The following ZPBP2 variants were observed in gnomAD, a reference collection of about 807,000 sequenced individuals.
ZPBP2 encodes zona pellucida binding protein 2, also known as zona pellucida-binding protein 2.
Under a neutral mutation model 37.5 loss-of-function variants are expected in ZPBP2, and 34 were observed. The observed-to-expected ratio is 0.91, with a 90% confidence interval of 0.69 to 1.21. The LOEUF (loss-of-function observed/expected upper bound fraction) is 1.21, where lower values mean the gene tolerates loss of function less well. Ranked by LOEUF, ZPBP2 falls within the 50% of genes most tolerant of loss-of-function variation. The probability of loss-of-function intolerance (pLI) is 0.00; values close to 1 mark genes in which losing one functional copy is unlikely to be tolerated. For missense variants in ZPBP2, 397 were observed against 413.5 expected, an observed-to-expected ratio of 0.96 and a Z score of 0.35; for synonymous variants, 143 against 138.4, an observed-to-expected ratio of 1.03 and a Z score of -0.23.
intron 6 of ZPBP2, 92 bp from the exon 7 acceptor site, chr17:39,875,162 T>C: frequency 2.6e-6 from 3 of 1,160,418 alleles, no homozygotes; most frequent in Non-Finnish European, 3.7e-6. Context: ...AAGTATGGCA[T>C]GCTTACAGTA....
At chr17:39,869,261 A>G (rs1400677810) in intron 2 of ZPBP2, among the ~76,000 whole-genome samples, 3 of 152,204 alleles carry the variant, frequency 2.0e-5, no homozygotes, top group South Asian at 4.1e-4. Flanking sequence ...CAAACCAGAA[A>G]CAAGAAGTAA....
chr17:39,868,498 T>C (rs2063346289), intron 1 of ZPBP2, 51 bp from the exon 2 acceptor site: 1 of 1,613,810 alleles, frequency 6.2e-7, no homozygotes, highest in Admixed American at 1.7e-5. Flanking sequence ...TGCCCGACTC[T>C]GAACCCTGCT....
At chr17:39,874,657 T>C (rs577345397) in intron 6 of ZPBP2, among the ~76,000 whole-genome samples, 230 of 151,982 alleles carry the variant, frequency 1.5e-3, no homozygotes, top group Non-Finnish European at 2.6e-3. Flanking sequence ...AGTCTCGAAC[T>C]CGTGGCCTCA....
In ZPBP2 at chr17:39,873,104, C is replaced by G; in HGVS notation, c.686C>G (p.Thr229Ser). 2 of 1,610,494 alleles carry G rather than the reference C, an allele frequency of 1.2e-6. No homozygotes were observed. The highest frequency in any genetic ancestry group is 1.1e-5 in the South Asian group (1 of 90,230). ...ACNGSVDCEDTTNHNILQARD... is the reference protein window; with the variant it reads ...ACNGSVDCEDSTNHNILQARD... ...AATGGATCTGTTGACTGTGAAGATA[C>G]CACTAATCATAATATCCTCCAGGTG... Residue 229 changes from threonine (T) to serine (S), a missense_variant, in exon 6 of 8, where the codon ACC (threonine) becomes AGC (serine). Thr to Ser is a moderately conservative substitution (Grantham distance 58). Transcript: ENST00000348931.
chr17:39,869,405 C>CTTTT (rs1555647285), intron 2 of ZPBP2, among the ~76,000 whole-genome samples: 129 of 115,124 alleles, frequency 1.1e-3, no homozygotes, highest in Middle Eastern at 4.3e-3. Flanking sequence ...TTCCTTCCTT[C>CTTTT]TTTTTTTTTT....
intron 6 of ZPBP2, 22 bp downstream of exon 6, chr17:39,873,148 A>C: frequency 6.2e-7 from 1 of 1,600,776 alleles, no homozygotes; most frequent in Non-Finnish European, 8.5e-7. Context: ...ATGGTAAGGA[A>C]GAAGTATTTG....
At chr17:39,875,874 G>A (rs1413837492) in intron 7 of ZPBP2, among the ~76,000 whole-genome samples, 4 of 131,858 alleles carry the variant, frequency 3.0e-5, no homozygotes, top group African/African-American at 1.1e-4. Flanking sequence ...GGGCTACCAT[G>A]CTTGGCCCCT....
rs761086948 is a variant in ZPBP2, at chr17:39,875,470, T to C, written c.889+36T>C. 9 of 1,464,658 alleles carry C rather than the reference T, an allele frequency of 6.1e-6. No homozygotes were observed. The African/African-American group carries it at 1.3e-4, about 21-fold the overall frequency. The allele number at this position is 1,464,658 out of a possible 1,614,324, so 90.7% of individuals were successfully genotyped here. On this transcript the variant is annotated intron_variant, in intron 7 of 7. Coordinates refer to ENST00000348931, the MANE Select transcript of ZPBP2 (RefSeq NM_199321.3). The stretch of plus-strand genomic sequence containing the variant: ...AATATAAATATCTAAACATTTAGGT[T>C]ATAGAGTCAGAAGAATATATAAGTA...
intron 6 of ZPBP2, among the ~76,000 whole-genome samples, chr17:39,874,799 G>A (rs1050261761): frequency 1.3e-5 from 2 of 152,010 alleles, no homozygotes; most frequent in African/African-American, 4.8e-5. Context: ...TCGCCAGGCT[G>A]GAGTGCAGTG....
chr17:39,872,247 T>A (rs1002086182), intron 4 of ZPBP2, 23 bp from the exon 5 acceptor site: 27 of 1,553,872 alleles, frequency 1.7e-5, no homozygotes, highest in Non-Finnish European at 2.3e-5. Flanking sequence ...GTTTTCACTC[T>A]CATCTTTCTT....
intron 6 of ZPBP2, among the ~76,000 whole-genome samples, chr17:39,873,938 C>CA (rs1445883380): frequency 2.7e-5 from 4 of 150,766 alleles, no homozygotes; most frequent in Non-Finnish European, 5.9e-5. Flanking sequence ...CTCAAAAACC[C>CA]AAAATTTACA....
chr17:39,875,237 G>A lies in ZPBP2; in HGVS notation c.709-17G>A. ...GGTTTAGTAATTGTACCTTTCTCTGGTATTTTTCAACCTTAGGCAAGAGAT... is the reference window on the plus strand; with the variant it reads ...GGTTTAGTAATTGTACCTTTCTCTGATATTTTTCAACCTTAGGCAAGAGAT... On this transcript the variant is annotated splice_polypyrimidine_tract_variant and intron_variant, in intron 6 of 7. Transcript: ENST00000348931. 6.2e-7 allele frequency: 1 copy of A among 1,601,082 alleles called. No homozygotes were observed. Among genetic ancestry groups the A allele is most frequent in the Non-Finnish European group, 8.5e-7 (1 of 1,174,414 alleles).
chr17:39,869,338 A>T (rs891918990), intron 2 of ZPBP2, among the ~76,000 whole-genome samples: 1 of 151,962 alleles, frequency 6.6e-6, no homozygotes, highest in Non-Finnish European at 1.5e-5. Context: ...ATTTACAGTT[A>T]AACATCAGGT....
Position 39,868,605 on chromosome 17 carries a change from G to A in ZPBP2, c.109G>A (p.Gly37Arg). Residue 37 changes from glycine to arginine, a missense_variant, in exon 2 of 8, where the codon GGA becomes AGA. Transcript: ENST00000348931. ...GAAGGGCTTCATTTATGGCAAGACA[G>A]GACAGCCAGGTAATAAGGGCCTCTG... ...NKKGFIYGKT[G>R]QPDKIYVELH... 1 of 1,614,154 alleles carries A rather than the reference G, an allele frequency of 6.2e-7. No homozygotes were observed. The highest frequency in any genetic ancestry group is 2.2e-5 in the East Asian group (1 of 44,884).
chr17:39,877,085 G>A lies in ZPBP2; in HGVS notation c.*276G>A. 3.4e-6 allele frequency: 1 copy of A among 291,684 alleles called. No homozygotes were observed. Among genetic ancestry groups the A allele is most frequent in the Non-Finnish European group, 6.7e-6 (1 of 148,740 alleles). The allele number at this position is 291,684 out of a possible 1,614,324, so 18.1% of individuals were successfully genotyped here. On this transcript the variant is annotated 3_prime_UTR_variant, in exon 8 of 8. Coordinates refer to ENST00000348931, the MANE Select transcript of ZPBP2 (RefSeq NM_199321.3). ...AAACGGTATGTTGCTGTGTACCTAA[G>A]AGTATAGTAAGGTCAAGAAGAGTAT...
chr17:39,868,397 C>T lies in ZPBP2; in HGVS notation c.43C>T (p.Leu15Phe), dbSNP rs760514597. 1 of 1,610,892 alleles carries T rather than the reference C, an allele frequency of 6.2e-7. No individual in the cohort carries two copies. Among genetic ancestry groups the T allele is most frequent in the Non-Finnish European group, 8.5e-7 (1 of 1,179,986 alleles). Residue 15 changes from leucine (L) to phenylalanine (F), a missense_variant, in exon 1 of 8, where the codon CTC becomes TTC. Transcript: ENST00000348931. ...CVLLSAVLWC[L>F]TGVQCPRFTL... ...CCTACTCTCCGCGGTGCTCTGGTGCCTCACAGGAGGTGGGGCTCCCTCCAC... is the reference window on the plus strand; with the variant it reads ...CCTACTCTCCGCGGTGCTCTGGTGCTTCACAGGAGGTGGGGCTCCCTCCAC...
chr17:39,868,412 G>T lies in ZPBP2; in HGVS notation c.52+6G>T. Reference sequence around the variant, plus strand: ...GCTCTGGTGCCTCACAGGAGGTGGGGCTCCCTCCACCCGGTCCCCAGGCCT... The same window carrying T: ...GCTCTGGTGCCTCACAGGAGGTGGGTCTCCCTCCACCCGGTCCCCAGGCCT... On this transcript the variant is annotated splice_donor_region_variant and intron_variant, in intron 1 of 7. Transcript: ENST00000348931. The T allele has an allele frequency of 1.9e-6, 3 of 1,610,792 alleles. No individual in the cohort carries two copies. The highest frequency in any genetic ancestry group is 2.5e-6 in the Non-Finnish European group (3 of 1,179,942).
intron 2 of ZPBP2, 109 bp from the exon 3 acceptor site, chr17:39,870,585 G>A: frequency 1.7e-6 from 1 of 604,112 alleles, no homozygotes; most frequent in Non-Finnish European, 2.5e-6. Context: ...TTAAAATAGT[G>A]AAATCCAACA....
chr17:39,876,746 C>T lies in ZPBP2; in HGVS notation c.954C>T (p.Val318=). The T allele has an allele frequency of 1.2e-6, 2 of 1,613,934 alleles. No homozygotes were observed. The highest frequency in any genetic ancestry group is 2.2e-5 in the South Asian group (2 of 91,076). The change falls in exon 8 of 8, where the codon GTC becomes GTT. Residue 318 remains valine, a synonymous_variant. Coordinates refer to ENST00000348931, the MANE Select transcript of ZPBP2 (RefSeq NM_199321.3). ...VNVTCQTCVS[V]LTYGAKSCPQ... ...TAACTTGTCAGACCTGCGTTTCCGT[C>T]CTTACCTATGGAGCTAAATCTTGCC... is the stretch of plus-strand genomic sequence containing the variant.
Sources: allele counts gnomAD v4.1 joint callset (sites outside exome capture counted in the v4.1 genomes callset), GRCh38; gene constraint gnomAD v4.1.1; transcripts MANE v1.5; gene names NCBI Gene and HGNC (gene_info 2026-07-23, HGNC 2026-07-21).